HLA-DQA2: variants seen among roughly 807,000 people sequenced by gnomAD.
HLA-DQA2 encodes the protein major histocompatibility complex, class II, DQ alpha 2.
Under a neutral mutation model 21.0 loss-of-function variants are expected in HLA-DQA2, and 17 were observed. That is an observed-to-expected ratio of 0.81 (90% CI 0.56 to 1.22). HLA-DQA2 has a LOEUF of 1.22. Ranked by LOEUF, HLA-DQA2 falls within the 50% of genes most tolerant of loss-of-function variation. HLA-DQA2 has a pLI of 0.00. For synonymous variants in HLA-DQA2, 81 were observed against 116.5 expected (o/e 0.70, Z 1.96); for missense variants, 239 against 308.8 (o/e 0.77, Z 1.69).
At chr6:32,742,006 T>G (rs901259967) in intron 1 of HLA-DQA2, among the ~76,000 whole-genome samples, 4 of 152,212 alleles carry the variant, frequency 2.6e-5, no homozygotes, top group Non-Finnish European at 5.9e-5. Context: ...AGACTTACAT[T>G]TCCACATGGG....
Position 32,746,947 on chromosome 6 carries a change from AG to A in HLA-DQA2, c.*387del. 3.4e-6 allele frequency: 1 copy of A among 292,034 alleles called. No homozygotes were observed. Among genetic ancestry groups the A allele is most frequent in the South Asian group, 3.1e-5 (1 of 32,774 alleles). 18.1% of individuals were successfully genotyped at this position (292,034 alleles called of 1,614,324 possible). On this transcript the variant is annotated 3_prime_UTR_variant, in exon 5 of 5. Transcript: ENST00000374940. ...TCAGGGCTGACTGAGAGCATAACTT[AG>A]AATGGGCGACTCTTATGTTTTAGGC... is the stretch of plus-strand genomic sequence containing the variant.
At chr6:32,742,600 T>C (rs9276409) in intron 1 of HLA-DQA2, among the ~76,000 whole-genome samples, 98,839 of 145,464 alleles carry the variant, frequency 0.68, 31,603 homozygotes, top group South Asian at 0.82. Flanking sequence ...CTCTAAACTT[T>C]CACAACCTTA....
Position 32,745,831 on chromosome 6 carries a change from G to T in HLA-DQA2, c.372G>T (p.Thr124=). The T allele has an allele frequency of 6.9e-7, 1 of 1,451,992 alleles. No homozygotes were observed. Among genetic ancestry groups the T allele is most frequent in the Non-Finnish European group, 9.4e-7 (1 of 1,062,142 alleles). 89.9% of individuals were successfully genotyped at this position (1,451,992 alleles called of 1,614,324 possible). Residue 124 remains threonine, a synonymous_variant, in exon 3 of 5, where the codon ACG becomes ACT. Transcript: ENST00000374940. ...CAGTGTTTTCCAAGTTTCCTGTGAC[G>T]CTGGGTCAGCCCAACACCCTCATCT... is the stretch of plus-strand genomic sequence containing the variant. The part of the protein sequence containing the change: ...EVTVFSKFPV[T]LGQPNTLICL...
chr6:32,745,180 G>A lies in HLA-DQA2; in HGVS notation c.104G>A (p.Gly35Asp). Residue 35 changes from glycine to aspartate, a missense_variant, in exon 2 of 5, where the codon GGT becomes GAT. Physicochemically the swap from Gly to Asp is moderately conservative, Grantham distance 94 (BLOSUM62 -1). Coordinates refer to ENST00000374940, the MANE Select transcript of HLA-DQA2 (RefSeq NM_020056.5). ...TCAGCTGACCATGTTGCCTCCTATG[G>A]TGTGAACTTCTACCAGTCTCACGGT... ...DIVADHVASY[G>D]VNFYQSHGPS... is the part of the protein sequence containing the mutation. The A allele has an allele frequency of 1.9e-6, 3 of 1,614,052 alleles. No individual in the cohort carries two copies. Among genetic ancestry groups the A allele is most frequent in the East Asian group, 4.5e-5 (2 of 44,876 alleles).
chr6:32,741,602 A>C, intron 1 of HLA-DQA2, 77 bp downstream of exon 1: 1 of 1,170,942 alleles, frequency 8.5e-7, no homozygotes, highest in Non-Finnish European at 1.2e-6. Flanking sequence ...GTAATTTGCT[A>C]AGAAATAGTA....
chr6:32,742,622 T>A (rs922642904), intron 1 of HLA-DQA2, among the ~76,000 whole-genome samples: 617 of 136,720 alleles, frequency 4.5e-3, no homozygotes, highest in South Asian at 0.011. Flanking sequence ...TAACCATGGC[T>A]GCTCCCATTC....
intron 1 of HLA-DQA2, among the ~76,000 whole-genome samples, chr6:32,743,176 T>C (rs1420333608): frequency 6.6e-6 from 1 of 152,258 alleles, no homozygotes; most frequent in East Asian, 1.9e-4. Context: ...TAACTTTTAA[T>C]GTAGCCTGGA....
intron 1 of HLA-DQA2, among the ~76,000 whole-genome samples, chr6:32,743,708 T>C (rs1763371622): frequency 6.6e-6 from 1 of 152,212 alleles, no homozygotes; most frequent in African/African-American, 2.4e-5. Context: ...CAAAGTTTAT[T>C]GTAAGGATAA....
chr6:32,743,375 T>C (rs1763347632), intron 1 of HLA-DQA2, among the ~76,000 whole-genome samples: 1 of 138,000 alleles, frequency 7.2e-6, no homozygotes, highest in African/African-American at 2.6e-5. Flanking sequence ...ATCTATGTAA[T>C]TGTCAAAAAT....
intron 3 of HLA-DQA2, 40 bp from the exon 4 acceptor site, chr6:32,746,200 C>G (rs762317175): frequency 6.2e-7 from 1 of 1,601,608 alleles, no homozygotes; most frequent in Non-Finnish European, 8.5e-7. Flanking sequence ...TGCACATGAG[C>G]ACACTGCACA....
chr6:32,745,258 A>C lies in HLA-DQA2; in HGVS notation c.182A>C (p.Asp61Ala), dbSNP rs764889640. 1.2e-6 allele frequency: 2 copies of C among 1,613,980 alleles called. No homozygotes were observed. Among genetic ancestry groups the C allele is most frequent in the African/African-American group, 2.7e-5 (2 of 74,890 alleles). Residue 61 changes from aspartate (D) to alanine (A), a missense_variant, in exon 2 of 5, where the codon GAC becomes GCC. Transcript: ENST00000374940. ...GATGGAGACGAGGAGTTCTATGTGG[A>C]CCTGGAGACGAAAGAGACTGTCTGG... ...EFDGDEEFYVDLETKETVWQL... is the reference protein window; with the variant it reads ...EFDGDEEFYVALETKETVWQL...
At chr6:32,742,422 C>T (rs900830762) in intron 1 of HLA-DQA2, among the ~76,000 whole-genome samples, 2 of 152,212 alleles carry the variant, frequency 1.3e-5, no homozygotes, top group Non-Finnish European at 2.9e-5. Context: ...TTAGTCCCCT[C>T]TGCCTTTGTC....
Position 32,746,656 on chromosome 6 carries a change from A to G in HLA-DQA2, c.*95A>G. 1 of 691,958 alleles carries G rather than the reference A, an allele frequency of 1.4e-6. No homozygotes were observed. Among genetic ancestry groups the G allele is most frequent in the Non-Finnish European group, 2.6e-6 (1 of 379,234 alleles). 42.9% of individuals were successfully genotyped at this position (691,958 alleles called of 1,614,324 possible). On this transcript the variant is annotated 3_prime_UTR_variant, in exon 5 of 5. Coordinates refer to ENST00000374940, the MANE Select transcript of HLA-DQA2 (RefSeq NM_020056.5). ...GCACTATTCTCTGGCCTGATTTATC[A>G]TATCCCTTTTCTCCTCCAAATGTTT... is the stretch of plus-strand genomic sequence containing the variant.
In HLA-DQA2 at chr6:32,746,957, A is replaced by G; in HGVS notation, c.*396A>G. ...CTGAGAGCATAACTTAGAATGGGCG[A>G]CTCTTATGTTTTAGGCCAATTTCAT... On this transcript the variant is annotated 3_prime_UTR_variant, in exon 5 of 5. Transcript: ENST00000374940. The G allele has an allele frequency of 3.4e-6, 1 of 290,420 alleles. No individual in the cohort carries two copies. The highest frequency in any genetic ancestry group is 2.2e-5 in the African/African-American group (1 of 45,886). The allele number at this position is 290,420 out of a possible 1,614,324, so 18.0% of individuals were successfully genotyped here.
rs1042891538 is a variant in HLA-DQA2, at chr6:32,742,352, C to A, written c.82+827C>A. Among the ~76,000 whole-genome samples, 23 of 144,398 alleles carry A rather than the reference C, an allele frequency of 1.6e-4. 1 individual carries two copies. The highest frequency in any genetic ancestry group is 5.8e-4 in the African/African-American group (23 of 39,740). The allele number at this position is 144,398 out of a possible 152,430, so 94.7% of individuals were successfully genotyped here. ...TCAACCCAAATTACTAGTTCTTCAC[C>A]TTATCTAATGAAGTCTTATAAAGAG... is the stretch of plus-strand genomic sequence containing the variant. On this transcript the variant is annotated intron_variant, in intron 1 of 4. Coordinates refer to ENST00000374940, the MANE Select transcript of HLA-DQA2 (RefSeq NM_020056.5).
In HLA-DQA2 at chr6:32,745,393, C is replaced by A. The variant is rs546688276; in HGVS notation, c.317C>A (p.Thr106Asn). The A allele has an allele frequency of 4.3e-6, 7 of 1,612,690 alleles. No individual in the cohort carries two copies. The highest frequency in any genetic ancestry group is 3.3e-5 in the Admixed American group (2 of 59,838). Residue 106 changes from threonine to asparagine, a missense_variant, in exon 2 of 5, where the codon ACC becomes AAC. By Grantham distance (65) the Thr-to-Asn change is moderately conservative (BLOSUM62 0). Transcript: ENST00000374940. ...LEFMMRQSNS[T>N]AATNEVPEVT... ...TTCATGATGAGACAGTCCAACTCTA[C>A]CGCTGCCACCAATGGTACGTGTCCA...
At chr6:32,743,592 G>C (rs1763363663) in intron 1 of HLA-DQA2, among the ~76,000 whole-genome samples, 1 of 146,240 alleles carries the variant, frequency 6.8e-6, no homozygotes, top group Non-Finnish European at 1.5e-5. Flanking sequence ...GTTCCAGCTG[G>C]GCCAGTAGAG....
intron 3 of HLA-DQA2, 60 bp downstream of exon 3, chr6:32,746,132 A>T (rs1049013907): frequency 3.5e-5 from 51 of 1,462,086 alleles, no homozygotes; most frequent in Non-Finnish European, 4.5e-5. Flanking sequence ...CTTCTCCCTA[A>T]GCCTGGGGCC....
At chr6:32,742,574 A>G (rs1333407375) in intron 1 of HLA-DQA2, among the ~76,000 whole-genome samples, 1 of 152,208 alleles carries the variant, frequency 6.6e-6, no homozygotes, top group Non-Finnish European at 1.5e-5. Flanking sequence ...TAAAAGGGGA[A>G]GTGAACTGGA....
Sources: allele counts gnomAD v4.1 joint callset (sites outside exome capture counted in the v4.1 genomes callset), GRCh38; gene constraint gnomAD v4.1.1; transcripts MANE v1.5; gene names NCBI Gene and HGNC (gene_info 2026-07-23, HGNC 2026-07-21).